The following DCC variants were observed in gnomAD, a reference collection of about 807,000 sequenced individuals.
The protein encoded by DCC is DCC netrin 1 receptor, also known as netrin receptor DCC.
A neutral mutation model predicts 172.5 loss-of-function variants in DCC; 58 were observed. That is an observed-to-expected ratio of 0.34 (90% CI 0.27 to 0.42). The LOEUF (loss-of-function observed/expected upper bound fraction) is 0.42, where lower values mean the gene tolerates loss of function less well. Ranked by LOEUF, DCC falls within the 10% of genes least tolerant of loss-of-function variation. DCC has a pLI of 1.00. For synonymous variants in DCC, 709 were observed against 644.5 expected (o/e 1.10, Z -1.52); for missense variants, 1,740 against 1,791.0 (o/e 0.97, Z 0.51).
intron 12 of DCC, among the ~76,000 whole-genome samples, chr18:53,229,002 G>T (rs1041039065): frequency 2.0e-5 from 3 of 152,020 alleles, no homozygotes; most frequent in African/African-American, 7.2e-5. Flanking sequence ...TATTTTCTCT[G>T]AGTATAATAT....
intron 12 of DCC, among the ~76,000 whole-genome samples, chr18:53,288,291 A>G (rs1028986881): frequency 6.6e-6 from 1 of 152,068 alleles, no homozygotes; most frequent in African/African-American, 2.4e-5. Context: ...AATTTTATCT[A>G]TTGTTACCTA....
chr18:53,039,578 C>A (rs1369465894), intron 5 of DCC, among the ~76,000 whole-genome samples: 1 of 151,974 alleles, frequency 6.6e-6, no homozygotes, highest in African/African-American at 2.4e-5. Context: ...CAAGCCCATG[C>A]TGTGGCAGAG....
chr18:52,418,978 A>T (rs1276387049), intron 1 of DCC, among the ~76,000 whole-genome samples: 1 of 148,966 alleles, frequency 6.7e-6, no homozygotes, highest in African/African-American at 2.5e-5. Flanking sequence ...CTCCTGCCTC[A>T]GCCTCCCCAG....
At chr18:52,356,085 G>A (rs1025906139) in intron 1 of DCC, among the ~76,000 whole-genome samples, 1 of 152,182 alleles carries the variant, frequency 6.6e-6, no homozygotes, top group South Asian at 2.1e-4. Context: ...GATAAGGCTA[G>A]GAGAAAAAGG....
At chr18:53,152,893 T>C (rs926533340) in intron 7 of DCC, among the ~76,000 whole-genome samples, 44 of 152,314 alleles carry the variant, frequency 2.9e-4, no homozygotes, top group African/African-American at 1.0e-3. Flanking sequence ...CTGTTTAAAC[T>C]GAGGTAAAGA....
At position 53,021,553 on chromosome 18, in the gene DCC, CGTGTGT is replaced by C. The variant is rs1555697061; in HGVS notation, c.986-41740_986-41735del. Among the ~76,000 whole-genome samples, 3 of 151,302 alleles carry C rather than the reference CGTGTGT, an allele frequency of 2.0e-5. No homozygotes were observed. In the East Asian group the frequency reaches 5.8e-4, roughly 29 times the overall value. On this transcript the variant is annotated intron_variant, in intron 5 of 28. Coordinates refer to ENST00000442544, the MANE Select transcript of DCC (RefSeq NM_005215.4). Reference sequence around the variant, plus strand: ...AGAATTGCTATTCTATATAAACTTACGTGTGTGTGTGTGTGTGCATGTGTATGTGTG... The same window carrying C: ...AGAATTGCTATTCTATATAAACTTACGTGTGTGTGTGCATGTGTATGTGTG...
intron 5 of DCC, among the ~76,000 whole-genome samples, chr18:53,045,480 C>T (rs2042225258): frequency 6.6e-6 from 1 of 151,786 alleles, no homozygotes; most frequent in Non-Finnish European, 1.5e-5. Flanking sequence ...ACTGCCTTAT[C>T]CCAAATGACA....
At chr18:53,456,616 C>A (rs1289833423) in intron 23 of DCC, among the ~76,000 whole-genome samples, 1 of 152,194 alleles carries the variant, frequency 6.6e-6, no homozygotes, top group African/African-American at 2.4e-5. Context: ...AGACTGCCCC[C>A]TGCAACCAAG....
intron 24 of DCC, among the ~76,000 whole-genome samples, chr18:53,464,012 A>C (rs754899126): frequency 1.3e-5 from 2 of 152,180 alleles, no homozygotes; most frequent in African/African-American, 2.4e-5. Context: ...TTCATTCTCT[A>C]ACCACAAAAA....
chr18:52,815,819 A>C (rs1390469924), intron 2 of DCC, among the ~76,000 whole-genome samples: 1 of 152,230 alleles, frequency 6.6e-6, no homozygotes, highest in Non-Finnish European at 1.5e-5. Flanking sequence ...AATATCTTGC[A>C]AAAGACATCG....
At chr18:52,625,346 C>T (rs2034553726) in intron 1 of DCC, among the ~76,000 whole-genome samples, 1 of 152,102 alleles carries the variant, frequency 6.6e-6, no homozygotes, top group Non-Finnish European at 1.5e-5. Flanking sequence ...AATGTAACCG[C>T]CGTATTGATT....
intron 2 of DCC, among the ~76,000 whole-genome samples, chr18:52,762,206 GC>G (rs1464747558): frequency 6.6e-6 from 1 of 152,182 alleles, no homozygotes; most frequent in African/African-American, 2.4e-5. Context: ...GGGCATGGTG[GC>G]TCATGCCTGT....
intron 1 of DCC, among the ~76,000 whole-genome samples, chr18:52,353,859 A>G (rs1044159261): frequency 6.6e-6 from 1 of 152,198 alleles, no homozygotes; most frequent in Non-Finnish European, 1.5e-5. Flanking sequence ...TGGCCCTGGT[A>G]GTAAATGAGT....
At chr18:53,279,873 G>A (rs1378271065) in intron 12 of DCC, among the ~76,000 whole-genome samples, 1 of 152,082 alleles carries the variant, frequency 6.6e-6, no homozygotes, top group Non-Finnish European at 1.5e-5. Flanking sequence ...TTTGAAAGGT[G>A]AGAGGTAAAC....
chr18:52,778,649 G>A (rs1354102810), intron 2 of DCC, among the ~76,000 whole-genome samples: 2 of 152,074 alleles, frequency 1.3e-5, no homozygotes, highest in Non-Finnish European at 2.9e-5. Context: ...ATTTTGAGAG[G>A]CATAATTTGA....
At chr18:53,321,433 A>G (rs1472165072) in intron 13 of DCC, among the ~76,000 whole-genome samples, 3 of 152,168 alleles carry the variant, frequency 2.0e-5, no homozygotes, top group Admixed American at 6.5e-5. Flanking sequence ...TAGTTTACCT[A>G]TGTTCTCTGT....
chr18:53,501,457 A>G (rs2144464427), intron 27 of DCC, among the ~76,000 whole-genome samples: 1 of 152,318 alleles, frequency 6.6e-6, no homozygotes, highest in Non-Finnish European at 1.5e-5. Flanking sequence ...CTAAATCATT[A>G]AATTAAATCA....
At chr18:53,127,023 T>A (rs1005515553) in intron 7 of DCC, among the ~76,000 whole-genome samples, 5 of 152,028 alleles carry the variant, frequency 3.3e-5, no homozygotes, top group African/African-American at 1.2e-4. Context: ...CAATTGTAGG[T>A]GCATCTCTTT....
intron 12 of DCC, among the ~76,000 whole-genome samples, chr18:53,290,055 T>A (rs1304557716): frequency 6.6e-6 from 1 of 152,220 alleles, no homozygotes; most frequent in Non-Finnish European, 1.5e-5. Context: ...GTATGCTATT[T>A]GTGAAAGCAT....
Sources: allele counts gnomAD v4.1 joint callset (sites outside exome capture counted in the v4.1 genomes callset), GRCh38; gene constraint gnomAD v4.1.1; transcripts MANE v1.5; gene names NCBI Gene and HGNC (gene_info 2026-07-23, HGNC 2026-07-21).